Variants in KANSL1L observed in about 807,000 individuals in gnomAD.
KANSL1L encodes KAT8 regulatory NSL complex subunit 1-like protein.
In KANSL1L, 25 loss-of-function variants were observed where a neutral mutation model predicts 108.6. The ratio of observed to expected loss-of-function variants is 0.23; its 90% CI spans 0.17 to 0.32. KANSL1L has a LOEUF of 0.32. Among genes scored for constraint, KANSL1L ranks in the 10% least tolerant of loss-of-function variants. The probability of loss-of-function intolerance (pLI) is 1.00; values close to 1 mark genes in which losing one functional copy is unlikely to be tolerated. For synonymous variants in KANSL1L, 405 were observed against 395.1 expected, an observed-to-expected ratio of 1.03 and a Z score of -0.30; for missense variants, 1,137 against 1,125.7, an observed-to-expected ratio of 1.01 and a Z score of -0.14.
chr2:210,029,851 A>G lies in KANSL1L; in HGVS notation c.2223T>C (p.Thr741=), dbSNP rs1211429106. ...HTESGSHSNF[T]AVSNVNVLSR... is the part of the protein sequence containing the mutation. ...ATAAAACGTTGACATTGGAAACAGC[A>G]GTAAAATTGCTATGGGATCCTGATT... The change falls in exon 10 of 15, where the codon ACT becomes ACC. Residue 741 remains threonine, a synonymous_variant. Coordinates refer to ENST00000281772, the MANE Select transcript of KANSL1L (RefSeq NM_152519.4). 6.2e-7 allele frequency: 1 copy of G among 1,607,866 alleles called. No homozygotes were observed. The highest frequency in any genetic ancestry group is 8.5e-7 in the Non-Finnish European group (1 of 1,176,024).
intron 5 of KANSL1L, among the ~76,000 whole-genome samples, chr2:210,089,698 G>A (rs892301300): frequency 6.6e-6 from 1 of 152,004 alleles, no homozygotes; most frequent in Non-Finnish European, 1.5e-5. Flanking sequence ...ATCTTTTTGG[G>A]GGGAGGGGCA....
intron 3 of KANSL1L, among the ~76,000 whole-genome samples, chr2:210,113,102 G>A (rs1337818798): frequency 6.6e-6 from 1 of 152,052 alleles, no homozygotes; most frequent in Non-Finnish European, 1.5e-5. Context: ...GATCACAGAG[G>A]TACAGACAAA....
At chr2:210,117,740 G>A (rs796244313) in intron 3 of KANSL1L, among the ~76,000 whole-genome samples, 16 of 152,034 alleles carry the variant, frequency 1.1e-4, no homozygotes, top group African/African-American at 3.6e-4. Flanking sequence ...ACATTACAAT[G>A]GATACAACAG....
intron 6 of KANSL1L, among the ~76,000 whole-genome samples, chr2:210,073,316 G>A (rs1400662617): frequency 3.3e-5 from 5 of 152,062 alleles, no homozygotes; most frequent in Non-Finnish European, 7.4e-5. Context: ...TACTTATCAG[G>A]ATAAGTCTGA....
intron 3 of KANSL1L, among the ~76,000 whole-genome samples, chr2:210,122,730 T>C (rs1016983385): frequency 4.0e-5 from 6 of 151,860 alleles, no homozygotes; most frequent in South Asian, 2.1e-4. Context: ...GCAAAAGAAA[T>C]AATCAACAAA....
At chr2:210,069,296 T>G (rs1414950707) in intron 6 of KANSL1L, among the ~76,000 whole-genome samples, 1 of 152,194 alleles carries the variant, frequency 6.6e-6, no homozygotes, top group Non-Finnish European at 1.5e-5. Context: ...CATTCATGTT[T>G]CTAGCAAATT....
chr2:210,142,090 T>C (rs1575606642), intron 2 of KANSL1L, among the ~76,000 whole-genome samples: 1 of 152,084 alleles, frequency 6.6e-6, no homozygotes, highest in East Asian at 1.9e-4. Context: ...CCTCCTCCTC[T>C]TCAATTTTTT....
At chr2:210,058,606 G>A (rs2094383478) in intron 6 of KANSL1L, among the ~76,000 whole-genome samples, 1 of 152,102 alleles carries the variant, frequency 6.6e-6, no homozygotes, top group Non-Finnish European at 1.5e-5. Flanking sequence ...GGCTGAGGCA[G>A]GTGGATCACG....
intron 5 of KANSL1L, among the ~76,000 whole-genome samples, chr2:210,077,910 T>G (rs949083534): frequency 6.6e-5 from 10 of 152,200 alleles, no homozygotes; most frequent in African/African-American, 2.4e-4. Context: ...ATTGGAAAGC[T>G]TATCTTTGTG....
At chr2:210,040,700 C>T (rs185647279) in intron 7 of KANSL1L, among the ~76,000 whole-genome samples, 173 bp from the exon 8 acceptor site, 1 of 152,160 alleles carries the variant, frequency 6.6e-6, no homozygotes, top group Non-Finnish European at 1.5e-5. Context: ...TCTTTCCAAG[C>T]ATGTTGGTAG....
At chr2:210,090,569 A>C (rs1030482304) in intron 5 of KANSL1L, among the ~76,000 whole-genome samples, 3 of 152,118 alleles carry the variant, frequency 2.0e-5, no homozygotes, top group East Asian at 3.9e-4. Flanking sequence ...ACAGGGTCTC[A>C]CTCTGTCACC....
intron 6 of KANSL1L, among the ~76,000 whole-genome samples, chr2:210,050,439 G>A (rs987617800): frequency 6.6e-6 from 1 of 152,062 alleles, no homozygotes; most frequent in Non-Finnish European, 1.5e-5. Context: ...TAAATATAAA[G>A]TAATAGGTAA....
At chr2:210,060,795 G>T (rs1270709079) in intron 6 of KANSL1L, among the ~76,000 whole-genome samples, 1 of 152,192 alleles carries the variant, frequency 6.6e-6, no homozygotes, top group Non-Finnish European at 1.5e-5. Context: ...GATACCAGAG[G>T]GGTGGGAACC....
At chr2:210,092,357 C>T (rs1458937097) in intron 5 of KANSL1L, among the ~76,000 whole-genome samples, 1 of 152,172 alleles carries the variant, frequency 6.6e-6, no homozygotes, top group African/African-American at 2.4e-5. Context: ...TCCATTGTTT[C>T]ATATCTTTTG....
At chr2:210,128,092 A>C (rs1212672142) in intron 3 of KANSL1L, among the ~76,000 whole-genome samples, 3 of 152,168 alleles carry the variant, frequency 2.0e-5, no homozygotes, top group Non-Finnish European at 2.9e-5. Context: ...TAGGGAGGTT[A>C]CTATAAAATA....
At chr2:210,121,620 AC>A (rs920616942) in intron 3 of KANSL1L, among the ~76,000 whole-genome samples, 9 of 152,094 alleles carry the variant, frequency 5.9e-5, no homozygotes, top group Non-Finnish European at 1.0e-4. Context: ...CATGTAACAC[AC>A]CCGCACTTGT....
chr2:210,143,656 T>C (rs963401723), intron 2 of KANSL1L, among the ~76,000 whole-genome samples: 1 of 152,124 alleles, frequency 6.6e-6, no homozygotes, highest in African/African-American at 2.4e-5. Flanking sequence ...TGGTTACCAT[T>C]AGGCTTAAGA....
intron 6 of KANSL1L, among the ~76,000 whole-genome samples, chr2:210,064,991 G>A (rs530917098): frequency 2.1e-4 from 32 of 152,024 alleles, no homozygotes; most frequent in African/African-American, 7.7e-4. Context: ...AGTATGGATG[G>A]TGTAGGATGA....
intron 4 of KANSL1L, among the ~76,000 whole-genome samples, chr2:210,098,435 C>T (rs983480777): frequency 1.3e-5 from 2 of 151,740 alleles, no homozygotes; most frequent in African/African-American, 4.8e-5. Flanking sequence ...ATTATTGTTC[C>T]TTCATCTACC....
Sources: gnomAD v4.1 joint callset for allele counts (sites outside exome capture counted in the v4.1 genomes callset) on GRCh38, gnomAD v4.1.1 for gene constraint, MANE v1.5 for transcripts, NCBI Gene and HGNC (gene_info 2026-07-23, HGNC 2026-07-21) for gene names.